Variants in GRIK2 observed in about 807,000 individuals in gnomAD.
GRIK2 encodes the protein glutamate ionotropic receptor kainate type subunit 2.
GRIK2 carries 32 observed loss-of-function variants against 100.3 expected under a neutral mutation model. The observed-to-expected ratio is 0.32, with a 90% CI of 0.24 to 0.43. GRIK2 has a LOEUF of 0.43. Among genes scored for constraint, GRIK2 ranks in the 20% least tolerant of loss-of-function variants. The probability of loss-of-function intolerance (pLI) is 1.00; values close to 1 mark genes in which losing one functional copy is unlikely to be tolerated. For synonymous variants in GRIK2, 417 were observed against 389.4 expected (o/e 1.07, Z -0.83); for missense variants, 843 against 1,114.9 (o/e 0.76, Z 3.47).
chr6:101,948,072 T>C (rs1036468088), intron 14 of GRIK2, among the ~76,000 whole-genome samples: 4 of 152,294 alleles, frequency 2.6e-5, no homozygotes, highest in Admixed American at 6.5e-5. Flanking sequence ...TTTACACTTA[T>C]TTTATTTTTC....
intron 7 of GRIK2, among the ~76,000 whole-genome samples, chr6:101,693,157 G>A (rs1192638566): frequency 6.6e-6 from 1 of 152,018 alleles, no homozygotes; most frequent in Non-Finnish European, 1.5e-5. Context: ...GATGGATATG[G>A]AATTTCTATT....
intron 15 of GRIK2, among the ~76,000 whole-genome samples, chr6:102,040,637 T>G (rs1384662402): frequency 6.6e-6 from 1 of 151,594 alleles, no homozygotes; most frequent in Non-Finnish European, 1.5e-5. Context: ...GGTACGTTGT[T>G]TGTTTGAGGC....
intron 10 of GRIK2, among the ~76,000 whole-genome samples, chr6:101,831,734 G>A (rs1782708908): frequency 6.6e-6 from 1 of 152,030 alleles, no homozygotes; most frequent in African/African-American, 2.4e-5. Flanking sequence ...CAATTTCTGT[G>A]TATTTTTTCC....
intron 7 of GRIK2, among the ~76,000 whole-genome samples, chr6:101,739,992 T>G (rs2128376907): frequency 6.6e-6 from 1 of 152,340 alleles, no homozygotes; most frequent in East Asian, 1.9e-4. Context: ...TATGAAATGC[T>G]AACATCACAG....
At chr6:102,048,788 A>G (rs770236930) in intron 15 of GRIK2, among the ~76,000 whole-genome samples, 86 of 152,162 alleles carry the variant, frequency 5.7e-4, no homozygotes, top group Non-Finnish European at 1.6e-4. Flanking sequence ...AGCAACTAGT[A>G]CCAAACCACT....
intron 2 of GRIK2, among the ~76,000 whole-genome samples, chr6:101,429,363 G>A (rs1282722914): frequency 2.0e-5 from 3 of 152,164 alleles, no homozygotes; most frequent in African/African-American, 7.2e-5. Flanking sequence ...ACTAGAGAGA[G>A]ATGTAGTGCA....
intron 7 of GRIK2, among the ~76,000 whole-genome samples, chr6:101,732,363 ATTACT>A (rs1188586831): frequency 1.3e-5 from 2 of 152,022 alleles, no homozygotes; most frequent in Non-Finnish European, 2.9e-5. Context: ...TTTAGGAAAC[ATTACT>A]TTATTGAGAT....
chr6:101,731,034 T>C (rs1190971108), intron 7 of GRIK2, among the ~76,000 whole-genome samples: 2 of 152,024 alleles, frequency 1.3e-5, no homozygotes, highest in Non-Finnish European at 2.9e-5. Context: ...TTACTATTCA[T>C]AGTTCTTCAA....
At chr6:102,067,802 T>C (rs1476044866) in intron 16 of GRIK2, among the ~76,000 whole-genome samples, 1 of 151,906 alleles carries the variant, frequency 6.6e-6, no homozygotes, top group Non-Finnish European at 1.5e-5. Context: ...TCTATAGGCA[T>C]AATCACAAAA....
chr6:101,477,214 A>C (rs1488123279), intron 2 of GRIK2, among the ~76,000 whole-genome samples: 5 of 152,184 alleles, frequency 3.3e-5, no homozygotes, highest in African/African-American at 1.2e-4. Context: ...ATACACTTAC[A>C]GGGGCAGTTT....
intron 2 of GRIK2, among the ~76,000 whole-genome samples, chr6:101,475,743 A>G (rs1169974018): frequency 6.6e-6 from 1 of 152,004 alleles, no homozygotes; most frequent in Non-Finnish European, 1.5e-5. Context: ...TGTCTTAATG[A>G]CATAAAGTTT....
At chr6:101,900,660 A>T (rs185145468) in intron 12 of GRIK2, among the ~76,000 whole-genome samples, 1 of 152,140 alleles carries the variant, frequency 6.6e-6, no homozygotes, top group Admixed American at 6.5e-5. Flanking sequence ...TTTAGTGGGG[A>T]TGTAGAAAAC....
intron 11 of GRIK2, among the ~76,000 whole-genome samples, chr6:101,886,991 A>AT (rs35339842): frequency 0.25 from 35,989 of 144,168 alleles, 4,432 homozygotes; most frequent in South Asian, 0.33. Flanking sequence ...ACACCTGGGT[A>AT]TTTTTTTTTT....
At chr6:101,828,048 A>T (rs1011245024) in intron 10 of GRIK2, among the ~76,000 whole-genome samples, 2 of 152,046 alleles carry the variant, frequency 1.3e-5, no homozygotes, top group African/African-American at 4.8e-5. Flanking sequence ...AGTCTCAATA[A>T]GTTTTAAAAA....
At chr6:101,417,322 C>T (rs955258664) in intron 2 of GRIK2, among the ~76,000 whole-genome samples, 2 of 152,118 alleles carry the variant, frequency 1.3e-5, no homozygotes, top group Non-Finnish European at 2.9e-5. Flanking sequence ...CACAGCCAAA[C>T]CATATCAGTG....
At chr6:101,775,798 A>G (rs867414331) in intron 7 of GRIK2, among the ~76,000 whole-genome samples, 4 of 151,650 alleles carry the variant, frequency 2.6e-5, no homozygotes, top group African/African-American at 4.8e-5. Flanking sequence ...ATATATGTGT[A>G]TATATATGGA....
intron 2 of GRIK2, among the ~76,000 whole-genome samples, chr6:101,595,724 A>G (rs199928712): frequency 0.25 from 35,372 of 139,660 alleles, 4,434 homozygotes; most frequent in East Asian, 0.32. Flanking sequence ...GTGTGTATAT[A>G]TATATATATA....
chr6:101,563,302 A>T (rs1216626275), intron 2 of GRIK2, among the ~76,000 whole-genome samples: 3 of 152,214 alleles, frequency 2.0e-5, no homozygotes, highest in Non-Finnish European at 4.4e-5. Context: ...AAAGATCAAA[A>T]CACATGTTCT....
intron 11 of GRIK2, among the ~76,000 whole-genome samples, chr6:101,879,957 G>A (rs1393396763): frequency 2.6e-5 from 4 of 151,896 alleles, no homozygotes; most frequent in African/African-American, 7.3e-5. Context: ...CCAACCCATA[G>A]CCTAAAAATA....
Sources: gnomAD v4.1 joint callset for allele counts (sites outside exome capture counted in the v4.1 genomes callset) on GRCh38, gnomAD v4.1.1 for gene constraint, MANE v1.5 for transcripts, NCBI Gene and HGNC (gene_info 2026-07-23, HGNC 2026-07-21) for gene names.